Variants in WDR83OS observed in about 807,000 individuals in gnomAD.
The protein encoded by WDR83OS is PAT complex subunit Asterix.
A neutral mutation model predicts 13.7 loss-of-function variants in WDR83OS; 15 were observed. The observed-to-expected ratio is 1.09, with a 90% CI of 0.73 to 1.69. The LOEUF (loss-of-function observed/expected upper bound fraction) is 1.69. Ranked by LOEUF, WDR83OS falls within the 40% of genes most tolerant of loss-of-function variation. The pLI is 0.00. For synonymous variants in WDR83OS, 68 were observed against 52.9 expected (o/e 1.29, Z -1.24); for missense variants, 145 against 143.2 (o/e 1.01, Z -0.06).
At chr19:12,668,936 C>G (rs893862909) in intron 2 of WDR83OS, among the ~76,000 whole-genome samples, 192 bp downstream of exon 2, 2 of 152,172 alleles carry the variant, frequency 1.3e-5, no homozygotes, top group Admixed American at 6.6e-5. Flanking sequence ...TGCCACATCC[C>G]CAACCTGACT....
At chr19:12,669,071 G>GC in intron 2 of WDR83OS, 57 bp downstream of exon 2, 1 of 1,571,574 alleles carries the variant, frequency 6.4e-7, no homozygotes, top group Non-Finnish European at 8.7e-7. Flanking sequence ...TTCCAAACCC[G>GC]CCCCCGGGCC....
chr19:12,668,786 G>A (rs1224515205), intron 2 of WDR83OS, among the ~76,000 whole-genome samples, 169 bp from the exon 3 acceptor site: 1 of 152,038 alleles, frequency 6.6e-6, no homozygotes, highest in Admixed American at 6.6e-5. Flanking sequence ...CTCTAGATAC[G>A]TGGTTTCTAG....
In WDR83OS at chr19:12,668,078, T is replaced by G; in HGVS notation, c.*281A>C. 4 of 352,168 alleles carry G rather than the reference T, an allele frequency of 1.1e-5. No individual in the cohort carries two copies. The highest frequency in any genetic ancestry group is 6.3e-5 in the South Asian group (2 of 31,924). 21.8% of individuals were successfully genotyped at this position (352,168 alleles called of 1,614,324 possible). A position where few individuals can be genotyped will look rare whatever the true frequency, so the allele number is the denominator to read the frequency against. ...GAACAGAAGAGGCTGACAGCCAGAG[T>G]GAAAAACTTTATTAACAACAGGTTT... On this transcript the variant is annotated 3_prime_UTR_variant, in exon 4 of 4. Transcript: ENST00000596731.
chr19:12,669,071 GC>G, intron 2 of WDR83OS, 56 bp downstream of exon 2: 6 of 1,571,560 alleles, frequency 3.8e-6, no homozygotes, highest in African/African-American at 1.3e-5. Flanking sequence ...TTCCAAACCC[GC>G]CCCCGGGCCT....
chr19:12,668,093 A>C lies in WDR83OS; in HGVS notation c.*266T>G, dbSNP rs2024305458. On this transcript the variant is annotated 3_prime_UTR_variant, in exon 4 of 4. Coordinates refer to ENST00000596731, the MANE Select transcript of WDR83OS (RefSeq NM_016145.4). ...ACAGCCAGAGTGAAAAACTTTATTA[A>C]CAACAGGTTTCAACGAGAAAGCAAA... 1 of 430,522 alleles carries C rather than the reference A, an allele frequency of 2.3e-6. No individual in the cohort carries two copies. 26.7% of individuals were successfully genotyped at this position (430,522 alleles called of 1,614,324 possible). A position where few individuals can be genotyped will look rare whatever the true frequency, so the allele number is the denominator to read the frequency against.
In WDR83OS at chr19:12,669,406, C is replaced by G. The variant is rs767598188; in HGVS notation, c.-3G>C. On this transcript the variant is annotated 5_prime_UTR_variant, in exon 1 of 4. Coordinates refer to ENST00000596731, the MANE Select transcript of WDR83OS (RefSeq NM_016145.4). ...TCCGACATATTGTTAGTGGACATAG[C>G]GAGTCGAAGGCCAGATCACGCCTCT... is the stretch of plus-strand genomic sequence containing the variant. The G allele has an allele frequency of 6.3e-7, 1 of 1,594,260 alleles. No homozygotes were observed. The highest frequency in any genetic ancestry group is 1.1e-5 in the South Asian group (1 of 88,334).
At chr19:12,668,914 C>G (rs1211665084) in intron 2 of WDR83OS, among the ~76,000 whole-genome samples, 1 of 152,164 alleles carries the variant, frequency 6.6e-6, no homozygotes, top group African/African-American at 2.4e-5. Flanking sequence ...TGGCCCCACT[C>G]GCAGACCAAT....
chr19:12,669,370 G>A lies in WDR83OS; in HGVS notation c.34C>T (p.Pro12Ser). The A allele has an allele frequency of 6.2e-7, 1 of 1,602,254 alleles. No individual in the cohort carries two copies. The highest frequency in any genetic ancestry group is 8.5e-7 in the Non-Finnish European group (1 of 1,173,996). The part of the protein sequence containing the change: ...STNNMSDPRR[P>S]NKVLRYKPPP... Reference sequence around the variant, plus strand: ...GGTCCTCACCTCAGCACTTTGTTCGGCCTCCGTGGGTCCGACATATTGTTA... The same window carrying A: ...GGTCCTCACCTCAGCACTTTGTTCGACCTCCGTGGGTCCGACATATTGTTA... The change falls in exon 1 of 4, where the codon CCG becomes TCG. Residue 12 changes from proline (P) to serine (S), a missense_variant. By Grantham distance (74) the Pro-to-Ser change is moderately conservative (BLOSUM62 -1). Transcript: ENST00000596731.
At chr19:12,669,326 C>T (rs1215782246) in intron 1 of WDR83OS, 28 bp downstream of exon 1, 1 of 1,605,546 alleles carries the variant, frequency 6.2e-7, no homozygotes, top group Admixed American at 1.7e-5. Context: ...ACAACCCGAA[C>T]CCGTGCCCAC....
At chr19:12,668,711 T>G in intron 2 of WDR83OS, 94 bp from the exon 3 acceptor site, 2 of 1,052,726 alleles carry the variant, frequency 1.9e-6, no homozygotes, top group Admixed American at 3.9e-5. Flanking sequence ...GCCCACTGAT[T>G]CCATCTGATG....
At position 12,669,157 on chromosome 19, in the gene WDR83OS, T is replaced by C. The variant is rs770663847; in HGVS notation, c.127A>G (p.Ile43Val). ...AGCATGAGGCCGCACATGCTGAAGATCATGCCCAGCAGGTTCATGTAGTCC... is the reference window on the plus strand; with the variant it reads ...AGCATGAGGCCGCACATGCTGAAGACCATGCCCAGCAGGTTCATGTAGTCC... ...TPDYMNLLGM[I>V]FSMCGLMLKL... Residue 43 changes from isoleucine (I) to valine (V), a missense_variant, in exon 2 of 4, where the codon ATC becomes GTC. Ile to Val is a conservative substitution (Grantham distance 29). Coordinates refer to ENST00000596731, the MANE Select transcript of WDR83OS (RefSeq NM_016145.4). 2.5e-6 allele frequency: 4 copies of C among 1,614,130 alleles called. No individual in the cohort carries two copies. Among genetic ancestry groups the C allele is most frequent in the Non-Finnish European group, 3.4e-6 (4 of 1,180,020 alleles).
At chr19:12,669,295 C>T (rs2024340453) in intron 1 of WDR83OS, 59 bp downstream of exon 1, 1 of 1,607,126 alleles carries the variant, frequency 6.2e-7, no homozygotes, top group Non-Finnish European at 8.5e-7. Context: ...CAGGCGCTTC[C>T]CAGGGCCCCG....
Position 12,669,182 on chromosome 19 carries a change from C to T in WDR83OS, c.102G>A (p.Pro34=). 1 of 1,614,124 alleles carries T rather than the reference C, an allele frequency of 6.2e-7. No individual in the cohort carries two copies. The highest frequency in any genetic ancestry group is 8.5e-7 in the Non-Finnish European group (1 of 1,180,018). The change falls in exon 2 of 4, where the codon CCG becomes CCA. Residue 34 remains proline (P), a synonymous_variant. Transcript: ENST00000596731. The part of the protein sequence containing the change: ...ECNPALDDPT[P]DYMNLLGMIF... The stretch of plus-strand genomic sequence containing the variant: ...TCATGCCCAGCAGGTTCATGTAGTC[C>T]GGCGTCGGGTCGTCCAAGGCCGGGT...
In WDR83OS at chr19:12,668,195, G is replaced by C; in HGVS notation, c.*164C>G. The stretch of plus-strand genomic sequence containing the variant: ...AGGGAGGCAGGAGGGGTAAGCCTAG[G>C]GTGTTCCCTAGGAAAGGGCCAGGTT... On this transcript the variant is annotated 3_prime_UTR_variant, in exon 4 of 4. Coordinates refer to ENST00000596731, the MANE Select transcript of WDR83OS (RefSeq NM_016145.4). 1.5e-6 allele frequency: 1 copy of C among 669,730 alleles called. No homozygotes were observed. Among genetic ancestry groups the C allele is most frequent in the Non-Finnish European group, 2.5e-6 (1 of 392,650 alleles). 41.5% of individuals were successfully genotyped at this position (669,730 alleles called of 1,614,324 possible). A position where few individuals can be genotyped will look rare whatever the true frequency, so the allele number is the denominator to read the frequency against.
chr19:12,669,030 C>A, intron 2 of WDR83OS, 98 bp downstream of exon 2: 1 of 1,265,036 alleles, frequency 7.9e-7, no homozygotes, highest in Non-Finnish European at 1.1e-6. Context: ...CAGGTCCCGC[C>A]CCATCAGCAA....
chr19:12,668,334 A>C lies in WDR83OS; in HGVS notation c.*25T>G. ...CAGGCCTAGTGGATAGACAGGGTCC[A>C]AAATGTGACCCTTCTAGGCTGGTAT... On this transcript the variant is annotated 3_prime_UTR_variant, in exon 4 of 4. Coordinates refer to ENST00000596731, the MANE Select transcript of WDR83OS (RefSeq NM_016145.4). 1.2e-6 allele frequency: 2 copies of C among 1,601,664 alleles called. No individual in the cohort carries two copies. Among genetic ancestry groups the C allele is most frequent in the Non-Finnish European group, 1.7e-6 (2 of 1,174,788 alleles).
intron 2 of WDR83OS, 134 bp downstream of exon 2, chr19:12,668,994 A>C: frequency 1.1e-6 from 1 of 895,436 alleles, no homozygotes; most frequent in Non-Finnish European, 1.8e-6. Flanking sequence ...GCCCAGCGTC[A>C]TCGCAGCCCC....
In WDR83OS at chr19:12,668,120, G is replaced by A; in HGVS notation, c.*239C>T. 1 of 499,648 alleles carries A rather than the reference G, an allele frequency of 2.0e-6. No individual in the cohort carries two copies. Among genetic ancestry groups the A allele is most frequent in the South Asian group, 2.4e-5 (1 of 42,144 alleles). The allele number at this position is 499,648 out of a possible 1,614,324, so 31.0% of individuals were successfully genotyped here. ...AACAGGTTTCAACGAGAAAGCAAAT[G>A]AATACCCCTAGAAACATGGACAGCA... On this transcript the variant is annotated 3_prime_UTR_variant, in exon 4 of 4. Coordinates refer to ENST00000596731, the MANE Select transcript of WDR83OS (RefSeq NM_016145.4).
chr19:12,668,333 C>G lies in WDR83OS; in HGVS notation c.*26G>C. 1 of 1,600,372 alleles carries G rather than the reference C, an allele frequency of 6.2e-7. No individual in the cohort carries two copies. The highest frequency in any genetic ancestry group is 1.8e-5 in the Admixed American group (1 of 57,054). ...CCAGGCCTAGTGGATAGACAGGGTC[C>G]AAAATGTGACCCTTCTAGGCTGGTA... is the stretch of plus-strand genomic sequence containing the variant. On this transcript the variant is annotated 3_prime_UTR_variant, in exon 4 of 4. Coordinates refer to ENST00000596731, the MANE Select transcript of WDR83OS (RefSeq NM_016145.4).
Sources: gnomAD v4.1 joint callset for allele counts (sites outside exome capture counted in the v4.1 genomes callset) on GRCh38, gnomAD v4.1.1 for gene constraint, MANE v1.5 for transcripts, NCBI Gene and HGNC (gene_info 2026-07-23, HGNC 2026-07-21) for gene names.